BUD23: variants seen among roughly 807,000 people sequenced by gnomAD.
The protein encoded by BUD23 is BUD23 rRNA methyltransferase and ribosome maturation factor.
A neutral mutation model predicts 47.0 loss-of-function variants in BUD23; 34 were observed. The observed-to-expected ratio is 0.72, with a 90% confidence interval of 0.55 to 0.96. BUD23 has a LOEUF of 0.96. BUD23 is among the 40% of genes least tolerant of loss of function. The probability of loss-of-function intolerance (pLI) is 0.00; values close to 1 mark genes in which losing one functional copy is unlikely to be tolerated. For synonymous variants in BUD23, 124 were observed against 132.0 expected, an observed-to-expected ratio of 0.94 and a Z score of 0.41; for missense variants, 343 against 361.2, an observed-to-expected ratio of 0.95 and a Z score of 0.41.
At position 73,683,750 on chromosome 7, in the gene BUD23, T is replaced by A. The variant is rs925273211; in HGVS notation, c.49-17T>A. ...GTCTGAATTATTCCTCTACATGCCA[T>A]TTTCTCTTTTTCGCAGTTTTATGAC... On this transcript the variant is annotated splice_polypyrimidine_tract_variant and intron_variant, in intron 1 of 11. Transcript: ENST00000265758. The A allele has an allele frequency of 3.7e-6, 6 of 1,614,118 alleles. No homozygotes were observed. The highest frequency in any genetic ancestry group is 5.1e-6 in the Non-Finnish European group (6 of 1,180,036).
intron 2 of BUD23, among the ~76,000 whole-genome samples, chr7:73,685,123 C>T (rs1237354637): frequency 9.9e-5 from 15 of 151,744 alleles, no homozygotes; most frequent in Admixed American, 9.2e-4. Context: ...ACCTGGCCAG[C>T]ATGGTGAAAT....
chr7:73,687,507 C>T (rs536082935), intron 5 of BUD23, among the ~76,000 whole-genome samples: 3 of 152,204 alleles, frequency 2.0e-5, no homozygotes, highest in South Asian at 4.1e-4. Flanking sequence ...AATCTCTTGA[C>T]CTTGTGATCC....
At chr7:73,685,627 T>C (rs1436457177) in intron 2 of BUD23, among the ~76,000 whole-genome samples, 2 of 152,056 alleles carry the variant, frequency 1.3e-5, no homozygotes, top group African/African-American at 4.8e-5. Flanking sequence ...AGGGATCTGG[T>C]AAGTTGCTCA....
chr7:73,691,191 A>G (rs572360063), intron 6 of BUD23, among the ~76,000 whole-genome samples, 179 bp downstream of exon 6: 1 of 152,334 alleles, frequency 6.6e-6, no homozygotes, highest in Non-Finnish European at 1.5e-5. Context: ...TGGAAGTTCA[A>G]GCTCAGTGGA....
chr7:73,693,917 T>TGCCTGGGC, intron 9 of BUD23, 75 bp from the exon 10 acceptor site: 1 of 1,579,578 alleles, frequency 6.3e-7, no homozygotes, highest in Admixed American at 1.8e-5. Flanking sequence ...CAGGCCTGGG[T>TGCCTGGGC]GCCTGGGCTT....
At position 73,692,631 on chromosome 7, in the gene BUD23, T is replaced by G. The variant is rs1279372006; in HGVS notation, c.495T>G (p.Pro165=). 8 of 1,613,708 alleles carry G rather than the reference T, an allele frequency of 5.0e-6. No individual in the cohort carries two copies. In the African/African-American group the frequency reaches 9.3e-5, roughly 19 times the overall value. ...RGSRAVLQLY[P]ENSEQLELIT... ...CCCGAGCTGTCCTGCAGCTGTACCC[T>G]GAGAACTCAGAGCAGGTGAGTCCCT... The change falls in exon 7 of 12, where the codon CCT becomes CCG. Residue 165 remains proline, a synonymous_variant. Coordinates refer to ENST00000265758, the MANE Select transcript of BUD23 (RefSeq NM_017528.5).
At chr7:73,687,158 C>T in intron 5 of BUD23, 63 bp downstream of exon 5, 1 of 1,542,420 alleles carries the variant, frequency 6.5e-7, no homozygotes. Flanking sequence ...ATCACTTAGG[C>T]TCTAGTGCAG....
At chr7:73,686,523 C>G (rs1398478242) in intron 2 of BUD23, 113 bp from the exon 3 acceptor site, 2 of 906,262 alleles carry the variant, frequency 2.2e-6, no homozygotes, top group South Asian at 1.6e-5. Context: ...GATGATTGAT[C>G]CGTTTTTTGT....
At chr7:73,683,852 C>T in intron 2 of BUD23, 48 bp downstream of exon 2, 1 of 1,613,974 alleles carries the variant, frequency 6.2e-7, no homozygotes, top group Non-Finnish European at 8.5e-7. Flanking sequence ...CGGGAAGCGG[C>T]AAGTTGCCCC....
Position 73,692,613 on chromosome 7 carries a change from T to C in BUD23, c.477T>C (p.Ala159=). 1 of 1,613,900 alleles carries C rather than the reference T, an allele frequency of 6.2e-7. No individual in the cohort carries two copies. The highest frequency in any genetic ancestry group is 8.5e-7 in the Non-Finnish European group (1 of 1,179,786). Residue 159 remains alanine (A), a synonymous_variant, in exon 7 of 12, where the codon GCT becomes GCC. Transcript: ENST00000265758. ...LFSVLVRGSR[A]VLQLYPENSE... ...TCTTTCAGGTCCGGGGATCCCGAGC[T>C]GTCCTGCAGCTGTACCCTGAGAACT...
chr7:73,684,627 AT>A (rs1797873927), intron 2 of BUD23, among the ~76,000 whole-genome samples: 24 of 20,110 alleles, frequency 1.2e-3, no homozygotes, highest in Non-Finnish European at 1.9e-3. Flanking sequence ...AGGGGGGGGG[AT>A]GGGGGCGGGG....
intron 7 of BUD23, 45 bp from the exon 8 acceptor site, chr7:73,693,284 T>A: frequency 7.1e-6 from 11 of 1,553,024 alleles, no homozygotes; most frequent in Non-Finnish European, 9.7e-6. Flanking sequence ...AGCTGTCTGC[T>A]CCTCTCAACC....
chr7:73,691,746 C>T (rs1173638321), intron 6 of BUD23, among the ~76,000 whole-genome samples: 2 of 151,976 alleles, frequency 1.3e-5, no homozygotes, highest in Non-Finnish European at 2.9e-5. Context: ...ACTACAGGCA[C>T]ACACCACCAT....
chr7:73,694,701 T>C lies in BUD23; in HGVS notation c.701+651T>C, dbSNP rs1798331960. On this transcript the variant is annotated intron_variant, in intron 10 of 11. Coordinates refer to ENST00000265758, the MANE Select transcript of BUD23 (RefSeq NM_017528.5). The stretch of plus-strand genomic sequence containing the variant: ...TCATGTCCTTAATGTGCCTGCTCGG[T>C]AGGGTCAAAGACAGCAGTGCGCTCC... 3 of 152,446 alleles carry C rather than the reference T, an allele frequency of 2.0e-5. No homozygotes were observed. In the South Asian group the frequency reaches 6.2e-4, roughly 31 times the overall value. The allele number at this position is 152,446 out of a possible 1,614,324, so 9.4% of individuals were successfully genotyped here. A position where few individuals can be genotyped will look rare whatever the true frequency, so the allele number is the denominator to read the frequency against.
intron 2 of BUD23, 61 bp from the exon 3 acceptor site, chr7:73,686,575 C>A: frequency 1.4e-6 from 2 of 1,444,594 alleles, no homozygotes; most frequent in South Asian, 1.2e-5. Flanking sequence ...GTTTTTTGGT[C>A]TGGGGGAAGT....
At chr7:73,689,283 A>T (rs910094776) in intron 5 of BUD23, among the ~76,000 whole-genome samples, 1 of 151,316 alleles carries the variant, frequency 6.6e-6, no homozygotes, top group Non-Finnish European at 1.5e-5. Flanking sequence ...TCCTGACTTC[A>T]TGAACTGCCC....
At chr7:73,687,190 C>T in intron 5 of BUD23, 95 bp downstream of exon 5, 5 of 1,295,426 alleles carry the variant, frequency 3.9e-6, no homozygotes, top group Non-Finnish European at 5.4e-6. Flanking sequence ...ATGGCTCACA[C>T]TGCAGCCTCC....
chr7:73,693,099 A>G, intron 7 of BUD23: 1 of 585,730 alleles, frequency 1.7e-6, no homozygotes, highest in Non-Finnish European at 3.1e-6. Flanking sequence ...GGGTCCCTGC[A>G]CTGGAAAGTG....
At chr7:73,695,147 T>G (rs1426476369) in intron 10 of BUD23, 1 of 152,522 alleles carries the variant, frequency 6.6e-6, no homozygotes, top group Non-Finnish European at 1.5e-5. Flanking sequence ...AGATGAGGTC[T>G]TGCCATGTTG....
Sources: gnomAD v4.1 joint callset for allele counts (sites outside exome capture counted in the v4.1 genomes callset) on GRCh38, gnomAD v4.1.1 for gene constraint, MANE v1.5 for transcripts, NCBI Gene and HGNC (gene_info 2026-07-23, HGNC 2026-07-21) for gene names.